The following TEX101 variants were observed in gnomAD, a reference collection of about 807,000 sequenced individuals.
The protein encoded by TEX101 is testis expressed 101.
Under a neutral mutation model 18.1 loss-of-function variants are expected in TEX101, and 10 were observed. The ratio of observed to expected loss-of-function variants is 0.55; its 90% CI spans 0.34 to 0.94. The LOEUF (loss-of-function observed/expected upper bound fraction) is 0.94. TEX101 is among the 40% of genes least tolerant of loss of function. The pLI, the probability that TEX101 is intolerant of heterozygous loss-of-function variation, is 0.02. For synonymous variants in TEX101, 94 were observed against 114.8 expected (o/e 0.82, Z 1.16); for missense variants, 259 against 298.9 (o/e 0.87, Z 0.98).
chr19:43,396,362 T>G, the TEX101 span, among the ~76,000 whole-genome samples: 1 of 152,250 alleles, frequency 6.6e-6, no homozygotes, highest in Non-Finnish European at 1.5e-5. Flanking sequence ...GCACTATTAT[T>G]TACTCAAAAA....
the TEX101 span, among the ~76,000 whole-genome samples, chr19:43,391,406 C>CTTTTTTTTTTTTTTTTTT: frequency 1.3e-4 from 12 of 95,894 alleles, no homozygotes; most frequent in African/African-American, 1.7e-4. Context: ...TTCTGTTTTT[C>CTTTTTTTTTTTTTTTTTT]TTTTTTTTTT....
At chr19:43,391,700 T>C in the TEX101 span, among the ~76,000 whole-genome samples, 7 of 152,178 alleles carry the variant, frequency 4.6e-5, no homozygotes, top group Non-Finnish European at 1.0e-4. Context: ...CCAGTATCCA[T>C]GATGTGGATC....
chr19:43,401,252 G>T (rs1206536364), upstream of TEX101, among the ~76,000 whole-genome samples: 1 of 152,204 alleles, frequency 6.6e-6, no homozygotes, highest in Admixed American at 6.5e-5. Flanking sequence ...TAATGCACAG[G>T]AAAATGCTGG....
rs1383972695 is a variant in TEX101 at position 43,407,045 on chromosome 19, C to G, written c.15+526C>G. ...ATGTGATCGGCGCTTAAGTGATACT[C>G]TCGCCTCAGCCTCCAAAATAAATGG... On this transcript the variant is annotated intron_variant, in intron 3 of 7. Transcript: ENST00000602198. Among the ~76,000 whole-genome samples, 4 of 151,100 alleles carry G rather than the reference C, an allele frequency of 2.6e-5. No individual in the cohort carries two copies. The East Asian group carries it at 5.9e-4, about 22-fold the overall frequency.
the TEX101 span, among the ~76,000 whole-genome samples, chr19:43,391,406 C>CT: frequency 7.7e-3 from 741 of 95,862 alleles, 11 homozygotes; most frequent in East Asian, 0.048. Flanking sequence ...TTCTGTTTTT[C>CT]TTTTTTTTTT....
chr19:43,417,736 C>G, intron 4 of TEX101, 142 bp from the exon 5 acceptor site: 1 of 1,040,142 alleles, frequency 9.6e-7, no homozygotes, highest in South Asian at 1.5e-5. Context: ...AGAACACCAG[C>G]TGGGGAAGGA....
At chr19:43,415,219 A>C (rs1316603336) in intron 1 of TEX101, among the ~76,000 whole-genome samples, 181 bp downstream of exon 1, 5 of 146,756 alleles carry the variant, frequency 3.4e-5, no homozygotes, top group African/African-American at 1.2e-4. Context: ...CCGGGTTCTG[A>C]TGAGGCTGGG....
At position 43,418,390 on chromosome 19, in the gene TEX101, T is replaced by C. The variant is rs778109527; in HGVS notation, c.743T>C (p.Phe248Ser). The C allele has an allele frequency of 6.8e-6, 11 of 1,611,878 alleles. No individual in the cohort carries two copies. The Admixed American group carries it at 1.8e-4, about 27-fold the overall frequency. ...LPLLLPSFIH[F>S]S Reference sequence around the variant, plus strand: ...TTGCTGCTGCCATCATTTATTCACTTTTCCTAAGAAGGCACTTCTGGGCCT... The same window carrying C: ...TTGCTGCTGCCATCATTTATTCACTCTTCCTAAGAAGGCACTTCTGGGCCT... Residue 248 changes from phenylalanine to serine, a missense_variant, in exon 6 of 6, where the codon TTT (phenylalanine) becomes TCT (serine). Phe to Ser is a radical substitution (Grantham distance 155). Transcript: ENST00000598265.
At position 43,414,941 on chromosome 19, in the gene TEX101, C is replaced by G. The variant is rs898881851; in HGVS notation, c.-137C>G. The G allele has an allele frequency of 2.0e-6, 2 of 985,294 alleles. No homozygotes were observed. Among genetic ancestry groups the G allele is most frequent in the Non-Finnish European group, 2.4e-6 (2 of 829,950 alleles). 61.0% of individuals were successfully genotyped at this position (985,294 alleles called of 1,614,324 possible). A position where few individuals can be genotyped will look rare whatever the true frequency, so the allele number is the denominator to read the frequency against. On this transcript the variant is annotated 5_prime_UTR_variant, in exon 1 of 6. Transcript: ENST00000598265. The stretch of plus-strand genomic sequence containing the variant: ...GCGTTCCGGGCCTCAACTTTGGCGT[C>G]GTGAGATTCTTGTGAGGCGTCTGCC...
At chr19:43,410,890 G>C (rs1970413622), upstream of TEX101, among the ~76,000 whole-genome samples, 1 of 152,038 alleles carries the variant, frequency 6.6e-6, no homozygotes, top group Non-Finnish European at 1.5e-5. Flanking sequence ...TTTGAGACAG[G>C]GTCTTGCTCT....
At chr19:43,412,676 C>T (rs1310352345), upstream of TEX101, among the ~76,000 whole-genome samples, 5 of 152,154 alleles carry the variant, frequency 3.3e-5, no homozygotes, top group Admixed American at 6.6e-5. Flanking sequence ...GGCACACATT[C>T]TTCCTGGATC....
intron 3 of TEX101, among the ~76,000 whole-genome samples, chr19:43,407,923 G>T (rs1360446893): frequency 6.6e-6 from 1 of 152,230 alleles, no homozygotes; most frequent in Non-Finnish European, 1.5e-5. Context: ...ACCATCCCTA[G>T]AGGAGCTGCT....
intron 1 of TEX101, among the ~76,000 whole-genome samples, chr19:43,415,350 C>T (rs541765861): frequency 1.3e-5 from 2 of 152,166 alleles, no homozygotes; most frequent in African/African-American, 2.4e-5. Flanking sequence ...ACTGGGTGGC[C>T]GGGCCTGAGA....
Position 43,416,132 on chromosome 19 carries a change from C to A in TEX101, c.98C>A (p.Ser33Tyr). 2 of 1,613,740 alleles carry A rather than the reference C, an allele frequency of 1.2e-6. No individual in the cohort carries two copies. Among genetic ancestry groups the A allele is most frequent in the Non-Finnish European group, 1.7e-6 (2 of 1,179,828 alleles). The change falls in exon 3 of 6, where the codon TCC (serine) becomes TAC (tyrosine). Residue 33 changes from serine (S) to tyrosine (Y), a missense_variant. Ser to Tyr is a moderately radical substitution (Grantham distance 144). Coordinates refer to ENST00000598265, the MANE Select transcript of TEX101 (RefSeq NM_001130011.3). ...GLELYCQKGL[S>Y]MTVEADPANM... Reference sequence around the variant, plus strand: ...GAGCTGTATTGTCAAAAGGGTCTGTCCATGACTGTGGAAGCAGATCCAGCC... The same window carrying A: ...GAGCTGTATTGTCAAAAGGGTCTGTACATGACTGTGGAAGCAGATCCAGCC...
chr19:43,399,218 G>C (rs1970299081), upstream of TEX101, among the ~76,000 whole-genome samples: 1 of 152,082 alleles, frequency 6.6e-6, no homozygotes, highest in African/African-American at 2.4e-5. Flanking sequence ...TTTTAGGCAA[G>C]AATACTTCAT....
chr19:43,389,339 C>T, the TEX101 span, among the ~76,000 whole-genome samples: 1,527 of 152,340 alleles, frequency 0.01, 29 homozygotes, highest in African/African-American at 0.033. Flanking sequence ...CTCAGGATCC[C>T]GAACAGCACC....
chr19:43,410,741 A>G (rs1453206405), upstream of TEX101, among the ~76,000 whole-genome samples: 3 of 152,058 alleles, frequency 2.0e-5, no homozygotes, highest in Non-Finnish European at 2.9e-5. Context: ...CACATCAGAC[A>G]CACATTCACA....
At chr19:43,390,138 A>G in the TEX101 span, among the ~76,000 whole-genome samples, 1 of 152,120 alleles carries the variant, frequency 6.6e-6, no homozygotes, top group Non-Finnish European at 1.5e-5. Flanking sequence ...CTCATCCTTC[A>G]GCTCCATTAC....
chr19:43,389,465 C>T, the TEX101 span, among the ~76,000 whole-genome samples: 1 of 152,156 alleles, frequency 6.6e-6, no homozygotes, highest in Non-Finnish European at 1.5e-5. Context: ...GTGCAGGGTG[C>T]AGGGTGTGGT....
Sources: gnomAD v4.1 joint callset for allele counts (sites outside exome capture counted in the v4.1 genomes callset) on GRCh38, gnomAD v4.1.1 for gene constraint, MANE v1.5 for transcripts, NCBI Gene and HGNC (gene_info 2026-07-23, HGNC 2026-07-21) for gene names.